The following ZMAT4 variants were observed in gnomAD, a reference collection of about 807,000 sequenced individuals.
ZMAT4 encodes the protein zinc finger matrin-type 4, also known as zinc finger matrin-type protein 4.
Under a neutral mutation model 28.7 loss-of-function variants are expected in ZMAT4, and 17 were observed. That is an observed-to-expected ratio of 0.59 (90% CI 0.41 to 0.89). The LOEUF (loss-of-function observed/expected upper bound fraction) is 0.89, where lower values mean the gene tolerates loss of function less well. ZMAT4 is among the 40% of genes least tolerant of loss of function. The pLI, the probability that ZMAT4 is intolerant of heterozygous loss-of-function variation, is 0.00. For synonymous variants in ZMAT4, 117 were observed against 109.2 expected (o/e 1.07, Z -0.44); for missense variants, 240 against 283.8 (o/e 0.85, Z 1.11).
rs1235785562 is a variant in ZMAT4, at chr8:40,674,733, C to T, written c.548G>A (p.Gly183Glu). 2 of 1,613,742 alleles carry T rather than the reference C, an allele frequency of 1.2e-6. No homozygotes were observed. The highest frequency in any genetic ancestry group is 2.7e-5 in the African/African-American group (2 of 74,862). The change falls in exon 5 of 7, where the codon GGG becomes GAG. Residue 183 changes from glycine to glutamate, a missense_variant. Coordinates refer to ENST00000297737, the MANE Select transcript of ZMAT4 (RefSeq NM_024645.3). ...CAGTTCCCCCATATCCAGGGTTGTC[C>T]CCAGTTGTTCTAACAAAGCAACTCT... ...AARVALLEQL[G>E]TTLDMGELRG...
In ZMAT4 at chr8:40,810,517, C is replaced by T. The variant is rs559432172; in HGVS notation, c.102+15058G>A. On this transcript the variant is annotated intron_variant, in intron 2 of 6. Transcript: ENST00000297737. ...AAATGGTGGTAGGAAAACTGGCTCACCACATGGAAGAAAATCAAAATGGAT... is the reference window on the plus strand; with the variant it reads ...AAATGGTGGTAGGAAAACTGGCTCATCACATGGAAGAAAATCAAAATGGAT... Among the ~76,000 whole-genome samples, 55 of 152,140 alleles carry T rather than the reference C, an allele frequency of 3.6e-4. No individual in the cohort carries two copies. The South Asian group carries it at 0.011, about 29-fold the overall frequency.
At chr8:40,896,973 C>CTTT (rs34824153) in intron 1 of ZMAT4, among the ~76,000 whole-genome samples, 5 of 139,258 alleles carry the variant, frequency 3.6e-5, no homozygotes, top group African/African-American at 1.3e-4. Flanking sequence ...TTGGCTTTTT[C>CTTT]TTTTTTTTTT....
At chr8:40,763,525 C>G (rs1187775044) in intron 3 of ZMAT4, among the ~76,000 whole-genome samples, 5 of 152,104 alleles carry the variant, frequency 3.3e-5, no homozygotes, top group Non-Finnish European at 5.9e-5. Context: ...TTACCCTGCC[C>G]AGAACAACAA....
At chr8:40,752,587 C>T (rs1295419187) in intron 3 of ZMAT4, among the ~76,000 whole-genome samples, 6 of 152,300 alleles carry the variant, frequency 3.9e-5, no homozygotes, top group South Asian at 2.1e-4. Flanking sequence ...TCCCTGTGAC[C>T]GCGGGACGGG....
intron 3 of ZMAT4, among the ~76,000 whole-genome samples, chr8:40,742,374 T>C (rs1162184924): frequency 6.7e-6 from 1 of 150,352 alleles, no homozygotes; most frequent in African/African-American, 2.4e-5. Context: ...ATATCACTTG[T>C]ATATAAATAT....
chr8:40,532,229 A>G lies in ZMAT4; in HGVS notation c.684T>C (p.Asn228=), dbSNP rs1005347181. The change falls in exon 7 of 7, where the codon AAT becomes AAC. Residue 228 remains asparagine (N), a synonymous_variant. Transcript: ENST00000297737. ...GTCTTGATTGATGCTTTCACTACTTATTCTTCAGGCTATAAGACAGAAGGA... is the reference window on the plus strand; with the variant it reads ...GTCTTGATTGATGCTTTCACTACTTGTTCTTCAGGCTATAAGACAGAAGGA... ...KGSKHQTNLK[N]K 2.1e-5 allele frequency: 34 copies of G among 1,595,322 alleles called. No homozygotes were observed. Among genetic ancestry groups the G allele is most frequent in the Non-Finnish European group, 2.8e-5 (33 of 1,170,966 alleles).
intron 1 of ZMAT4, among the ~76,000 whole-genome samples, chr8:40,826,106 A>T (rs911816596): frequency 6.6e-6 from 1 of 152,224 alleles, no homozygotes; most frequent in Non-Finnish European, 1.5e-5. Flanking sequence ...AAAACTAAAA[A>T]TTCTTAAAAA....
chr8:40,623,967 C>G (rs946124317), intron 5 of ZMAT4, among the ~76,000 whole-genome samples: 1 of 152,172 alleles, frequency 6.6e-6, no homozygotes, highest in Admixed American at 6.5e-5. Context: ...CTTCACTGGT[C>G]TATACCTGTG....
rs143550764 is a variant in ZMAT4 at position 40,819,427 on chromosome 8, C to A, written c.102+6148G>T. Among the ~76,000 whole-genome samples the A allele has an allele frequency of 3.9e-3, 587 of 152,288 alleles. 5 individuals are homozygous for A. Among genetic ancestry groups the A allele is most frequent in the African/African-American group, 0.013 (558 of 41,566 alleles). On this transcript the variant is annotated intron_variant, in intron 2 of 6. Coordinates refer to ENST00000297737, the MANE Select transcript of ZMAT4 (RefSeq NM_024645.3). ...CTTCTGGTGCAGACACCTAGGCCTT[C>A]ATCAAAATTGTCCCACCCCTCCCCT...
intron 6 of ZMAT4, among the ~76,000 whole-genome samples, chr8:40,554,686 A>G (rs571412246): frequency 2.6e-5 from 4 of 152,292 alleles, no homozygotes; most frequent in African/African-American, 7.2e-5. Flanking sequence ...TAATTGATGC[A>G]TAGTATTTTA....
chr8:40,809,132 A>G (rs1463929866), intron 2 of ZMAT4, among the ~76,000 whole-genome samples: 1 of 152,252 alleles, frequency 6.6e-6, no homozygotes, highest in Non-Finnish European at 1.5e-5. Context: ...CATAAAAAAG[A>G]AAAAATTGTG....
chr8:40,647,428 C>A (rs1182383402), intron 5 of ZMAT4, among the ~76,000 whole-genome samples: 1 of 152,168 alleles, frequency 6.6e-6, no homozygotes, highest in African/African-American at 2.4e-5. Context: ...GGGTCCTACA[C>A]CCACGGAGTC....
chr8:40,842,074 C>T (rs1816723788), intron 1 of ZMAT4, among the ~76,000 whole-genome samples: 1 of 152,194 alleles, frequency 6.6e-6, no homozygotes, highest in Non-Finnish European at 1.5e-5. Context: ...GTCTTCCCTC[C>T]CCCAAGCCCC....
At chr8:40,748,260 A>T (rs1293863549) in intron 3 of ZMAT4, among the ~76,000 whole-genome samples, 1 of 152,226 alleles carries the variant, frequency 6.6e-6, no homozygotes, top group Non-Finnish European at 1.5e-5. Context: ...ATTTTGCTAT[A>T]CGGAGTCACA....
intron 3 of ZMAT4, among the ~76,000 whole-genome samples, chr8:40,712,036 C>T (rs1030387942): frequency 5.3e-5 from 8 of 152,132 alleles, no homozygotes; most frequent in African/African-American, 1.9e-4. Context: ...GTCTCCCTAA[C>T]TATAACTTTT....
chr8:40,555,669 T>C (rs1018223512), intron 6 of ZMAT4, among the ~76,000 whole-genome samples: 1 of 152,186 alleles, frequency 6.6e-6, no homozygotes, highest in African/African-American at 2.4e-5. Flanking sequence ...CCATACTGTC[T>C]CTTTTACGGT....
chr8:40,798,617 CA>C (rs1814691112), intron 2 of ZMAT4, among the ~76,000 whole-genome samples: 1 of 152,194 alleles, frequency 6.6e-6, no homozygotes, highest in Admixed American at 6.5e-5. Context: ...TAGTCCTGAT[CA>C]CTTTCAACTT....
intron 3 of ZMAT4, among the ~76,000 whole-genome samples, chr8:40,733,006 A>G (rs1585960467): frequency 6.6e-6 from 1 of 151,720 alleles, no homozygotes; most frequent in South Asian, 2.1e-4. Flanking sequence ...CCACCACACC[A>G]AGCTAATTTT....
chr8:40,645,523 G>A (rs896715746), intron 5 of ZMAT4, among the ~76,000 whole-genome samples: 4 of 152,132 alleles, frequency 2.6e-5, no homozygotes, highest in Non-Finnish European at 5.9e-5. Context: ...TTGTAAAAAT[G>A]GAGAAGAAAA....
Sources: gnomAD v4.1 joint callset for allele counts (sites outside exome capture counted in the v4.1 genomes callset) on GRCh38, gnomAD v4.1.1 for gene constraint, MANE v1.5 for transcripts, NCBI Gene and HGNC (gene_info 2026-07-23, HGNC 2026-07-21) for gene names.